The following FCHSD2 variants were observed in gnomAD, a reference collection of about 807,000 sequenced individuals.
The protein encoded by FCHSD2 is F-BAR and double SH3 domains protein 2.
In FCHSD2, 38 loss-of-function variants were observed where a neutral mutation model predicts 108.1. The ratio of observed to expected loss-of-function variants is 0.35; its 90% CI spans 0.27 to 0.46. FCHSD2 has a LOEUF of 0.46. Ranked by LOEUF, FCHSD2 falls within the 20% of genes least tolerant of loss-of-function variation. The pLI, the probability that FCHSD2 is intolerant of heterozygous loss-of-function variation, is 1.00. For synonymous variants in FCHSD2, 279 were observed against 314.7 expected, an observed-to-expected ratio of 0.89 and a Z score of 1.20; for missense variants, 751 against 897.8, an observed-to-expected ratio of 0.84 and a Z score of 2.09.
intron 10 of FCHSD2, chr11:72,900,417 A>G: frequency 1.2e-6 from 1 of 839,396 alleles, no homozygotes; most frequent in South Asian, 1.5e-5. Flanking sequence ...AAGAACATTT[A>G]GCACAGTGTT....
In FCHSD2 at chr11:72,916,038, A is replaced by C. The variant is rs903570794; in HGVS notation, c.828+5790T>G. On this transcript the variant is annotated intron_variant, in intron 9 of 19. Transcript: ENST00000409418. The stretch of plus-strand genomic sequence containing the variant: ...TTATGAGAACACATGGGAACAACGC[A>C]CACTAGGGCCTACCAGAGGGTAGAG... Among the ~76,000 whole-genome samples the C allele has an allele frequency of 3.3e-5, 5 of 152,222 alleles. No individual in the cohort carries two copies. In the South Asian group the frequency reaches 1.0e-3, roughly 32 times the overall value.
intron 2 of FCHSD2, among the ~76,000 whole-genome samples, chr11:73,122,595 A>C (rs1237795677): frequency 1.3e-5 from 2 of 152,228 alleles, no homozygotes; most frequent in Admixed American, 1.3e-4. Flanking sequence ...AAATAGGCAA[A>C]AGTAGAAAAC....
chr11:72,902,358 G>C (rs1164255739), intron 10 of FCHSD2, among the ~76,000 whole-genome samples, 185 bp downstream of exon 10: 1 of 152,114 alleles, frequency 6.6e-6, no homozygotes, highest in African/African-American at 2.4e-5. Flanking sequence ...CTAGCATAAA[G>C]ACACTGAGTT....
At chr11:72,943,808 A>C (rs957238962) in intron 8 of FCHSD2, among the ~76,000 whole-genome samples, 14 of 152,224 alleles carry the variant, frequency 9.2e-5, no homozygotes, top group African/African-American at 3.4e-4. Context: ...AACTACAAGA[A>C]GTTTCAGTTA....
At chr11:72,997,367 A>T (rs1857537791) in intron 5 of FCHSD2, among the ~76,000 whole-genome samples, 1 of 152,218 alleles carries the variant, frequency 6.6e-6, no homozygotes, top group Admixed American at 6.5e-5. Context: ...AGGTGATCTA[A>T]TAGCATTCTA....
chr11:72,937,380 T>C (rs988721368), intron 8 of FCHSD2, among the ~76,000 whole-genome samples: 4 of 152,242 alleles, frequency 2.6e-5, no homozygotes, highest in African/African-American at 9.6e-5. Context: ...GACATCAAAG[T>C]ATTGAACTGA....
chr11:72,896,598 G>A (rs1282497266), intron 10 of FCHSD2, among the ~76,000 whole-genome samples: 1 of 151,950 alleles, frequency 6.6e-6, no homozygotes, highest in African/African-American at 2.4e-5. Flanking sequence ...GATCCTCTTT[G>A]TGGAATAAGT....
At chr11:73,014,000 T>C (rs1214411738) in intron 4 of FCHSD2, among the ~76,000 whole-genome samples, 2 of 152,146 alleles carry the variant, frequency 1.3e-5, no homozygotes, top group African/African-American at 2.4e-5. Flanking sequence ...GAACATCCCA[T>C]GCTCACTGTC....
intron 3 of FCHSD2, among the ~76,000 whole-genome samples, chr11:73,032,821 G>A (rs1858394008): frequency 6.6e-6 from 1 of 152,106 alleles, no homozygotes; most frequent in African/African-American, 2.4e-5. Flanking sequence ...CTTGTAAAAG[G>A]GAGAATGGCT....
chr11:73,134,979 G>A (rs566667686), intron 2 of FCHSD2, among the ~76,000 whole-genome samples: 1 of 152,080 alleles, frequency 6.6e-6, no homozygotes, highest in Non-Finnish European at 1.5e-5. Context: ...CAAGTAGCTA[G>A]AGTAGCTAGG....
At chr11:72,979,673 A>T (rs1857175498) in intron 8 of FCHSD2, among the ~76,000 whole-genome samples, 1 of 152,206 alleles carries the variant, frequency 6.6e-6, no homozygotes, top group Non-Finnish European at 1.5e-5. Flanking sequence ...TTTCATAAAC[A>T]TAGTATCTCA....
intron 9 of FCHSD2, among the ~76,000 whole-genome samples, chr11:72,908,509 A>C (rs1855681788): frequency 3.3e-5 from 5 of 152,230 alleles, no homozygotes; most frequent in Admixed American, 3.3e-4. Flanking sequence ...ACAGTATACA[A>C]GGGCTCCCTT....
chr11:72,887,738 G>C (rs1855228370), intron 11 of FCHSD2, among the ~76,000 whole-genome samples, 164 bp from the exon 12 acceptor site: 1 of 151,948 alleles, frequency 6.6e-6, no homozygotes, highest in Admixed American at 6.6e-5. Flanking sequence ...AGACTTACTA[G>C]TAACAAACTT....
intron 3 of FCHSD2, among the ~76,000 whole-genome samples, chr11:73,070,095 T>C (rs1390483625): frequency 2.6e-5 from 4 of 152,160 alleles, no homozygotes; most frequent in Admixed American, 6.5e-5. Flanking sequence ...AGGAAACTTA[T>C]CAGTAACAAG....
At chr11:72,918,115 T>G (rs1240625166) in intron 9 of FCHSD2, among the ~76,000 whole-genome samples, 1 of 152,220 alleles carries the variant, frequency 6.6e-6, no homozygotes, top group Non-Finnish European at 1.5e-5. Flanking sequence ...CTTTAACTCC[T>G]TTGGTTAAGT....
chr11:72,984,950 T>C (rs1207596424), intron 7 of FCHSD2, 112 bp downstream of exon 7: 5 of 549,006 alleles, frequency 9.1e-6, no homozygotes, highest in African/African-American at 2.0e-5. Flanking sequence ...TCAGTGACTT[T>C]AAAATGCTTC....
chr11:72,984,980 A>C (rs1591457731), intron 7 of FCHSD2, 82 bp downstream of exon 7: 1 of 619,780 alleles, frequency 1.6e-6, no homozygotes, highest in Non-Finnish European at 3.0e-6. Context: ...GAAATAATCC[A>C]CCTCCACCCT....
At chr11:72,948,997 C>T (rs960193345) in intron 8 of FCHSD2, among the ~76,000 whole-genome samples, 1 of 151,962 alleles carries the variant, frequency 6.6e-6, no homozygotes, top group Admixed American at 6.6e-5. Context: ...TGGTGGGATG[C>T]TAGATTTTCA....
intron 10 of FCHSD2, among the ~76,000 whole-genome samples, chr11:72,901,718 TA>T (rs1211499971): frequency 6.6e-6 from 1 of 152,122 alleles, no homozygotes; most frequent in Non-Finnish European, 1.5e-5. Flanking sequence ...GTAGAGGCAT[TA>T]AAAAAATTGC....
Sources: gnomAD v4.1 joint callset for allele counts (sites outside exome capture counted in the v4.1 genomes callset) on GRCh38, gnomAD v4.1.1 for gene constraint, MANE v1.5 for transcripts, NCBI Gene and HGNC (gene_info 2026-07-23, HGNC 2026-07-21) for gene names.